The following NFIA variants were observed in gnomAD, a reference collection of about 807,000 sequenced individuals.
NFIA encodes nuclear factor I A.
In NFIA, 8 loss-of-function variants were observed where a neutral mutation model predicts 62.8. The ratio of observed to expected loss-of-function variants is 0.13; its 90% CI spans 0.07 to 0.23. The LOEUF (loss-of-function observed/expected upper bound fraction) is 0.23. Ranked by LOEUF, NFIA falls within the 10% of genes least tolerant of loss-of-function variation. NFIA has a pLI of 1.00. For missense variants in NFIA, 410 were observed against 642.1 expected, an observed-to-expected ratio of 0.64 and a Z score of 3.91; for synonymous variants, 235 against 238.1, an observed-to-expected ratio of 0.99 and a Z score of 0.12.
chr1:61,400,500 A>G (rs1557758506), intron 7 of NFIA, among the ~76,000 whole-genome samples: 1 of 152,208 alleles, frequency 6.6e-6, no homozygotes, highest in East Asian at 1.9e-4. Context: ...ATTAACATCA[A>G]TGTGGATACA....
chr1:61,215,337 G>A (rs1229822363), intron 2 of NFIA, among the ~76,000 whole-genome samples: 1 of 152,042 alleles, frequency 6.6e-6, no homozygotes, highest in African/African-American at 2.4e-5. Context: ...ATGTAATGCT[G>A]TAAATTTTTG....
intron 10 of NFIA, among the ~76,000 whole-genome samples, chr1:61,441,125 T>G (rs1212478500): frequency 6.6e-6 from 1 of 152,188 alleles, no homozygotes; most frequent in Non-Finnish European, 1.5e-5. Context: ...GACTAATGGT[T>G]TAATATGTGG....
At chr1:61,380,332 T>A (rs1241513800) in intron 6 of NFIA, among the ~76,000 whole-genome samples, 3 of 152,220 alleles carry the variant, frequency 2.0e-5, no homozygotes, top group African/African-American at 2.4e-5. Flanking sequence ...AGTCTTTTTT[T>A]AAAAATCTGG....
Position 61,461,929 on chromosome 1 carries a change from G to GA in NFIA, c.*6615dup, listed in dbSNP as rs367746777. The GA allele has an allele frequency of 4.9e-3, 730 of 149,830 alleles. 4 individuals are homozygous for GA. Among genetic ancestry groups the GA allele is most frequent in the African/African-American group, 0.017 (688 of 40,684 alleles). The allele number at this position is 149,830 out of a possible 1,614,324, so 9.3% of individuals were successfully genotyped here. On this transcript the variant is annotated 3_prime_UTR_variant, in exon 11 of 11. Transcript: ENST00000403491. ...GTTTTTATACTCAACTTCTCAAAAT[G>GA]AAAAAAGCTTTTATTTTTCCTTTGA...
At chr1:61,120,495 T>C (rs1172090799) in intron 2 of NFIA, among the ~76,000 whole-genome samples, 1 of 152,228 alleles carries the variant, frequency 6.6e-6, no homozygotes, top group African/African-American at 2.4e-5. Context: ...CGTTTTGTTA[T>C]TCTAATGTCC....
chr1:61,100,457 A>T (rs1305434120), intron 2 of NFIA, among the ~76,000 whole-genome samples: 1 of 152,188 alleles, frequency 6.6e-6, no homozygotes, highest in African/African-American at 2.4e-5. Context: ...TGAAGAAAAT[A>T]CCTTGAGACA....
intron 10 of NFIA, among the ~76,000 whole-genome samples, chr1:61,436,888 G>A (rs989703303): frequency 9.9e-5 from 15 of 152,144 alleles, no homozygotes; most frequent in African/African-American, 3.1e-4. Flanking sequence ...CTTTCCAAAC[G>A]CTTTACACAT....
intron 3 of NFIA, among the ~76,000 whole-genome samples, chr1:61,315,239 G>A (rs139732170): frequency 2.1e-4 from 32 of 152,278 alleles, no homozygotes; most frequent in African/African-American, 7.5e-4. Context: ...TGGCATTGTT[G>A]CTAATGGTGA....
rs563344264 is a variant in NFIA at position 61,326,084 on chromosome 1, A to G, written c.626-6428A>G. ...AGTTGCTGGTAGGGAAAAGGGATGA[A>G]ATTGTTATTTTTGCAGTGACTTTCT... On this transcript the variant is annotated intron_variant, in intron 3 of 10. Transcript: ENST00000403491. 2.6e-5 allele frequency among the ~76,000 whole-genome samples: 4 copies of G among 152,240 alleles called. No individual in the cohort carries two copies. The East Asian group carries it at 7.7e-4, about 29-fold the overall frequency.
At chr1:61,080,353 AAAGT>A (rs1325207728), upstream of NFIA, among the ~76,000 whole-genome samples, 1 of 152,140 alleles carries the variant, frequency 6.6e-6, no homozygotes, top group African/African-American at 2.4e-5. Context: ...TTGAGACTCA[AAAGT>A]AAGAATCTTT....
At chr1:61,314,597 A>G (rs1660274480) in intron 3 of NFIA, among the ~76,000 whole-genome samples, 1 of 152,192 alleles carries the variant, frequency 6.6e-6, no homozygotes, top group African/African-American at 2.4e-5. Flanking sequence ...TTTTGGCTCT[A>G]TCATCTCTTC....
At chr1:61,111,304 T>G (rs979609057) in intron 2 of NFIA, among the ~76,000 whole-genome samples, 1 of 152,296 alleles carries the variant, frequency 6.6e-6, no homozygotes, top group East Asian at 1.9e-4. Flanking sequence ...TACTGTGCGC[T>G]TATTCTGTAC....
rs142983569 is a variant in NFIA, at chr1:61,447,841, G to A, written c.1513-7462G>A. Among the ~76,000 whole-genome samples, 1,305 of 152,212 alleles carry A rather than the reference G, an allele frequency of 8.6e-3. 8 individuals carry two copies. Among genetic ancestry groups the A allele is most frequent in the Non-Finnish European group, 0.015 (1,025 of 68,008 alleles). ...CAGAGTCGTGCTTCATTAGAACCCC[G>A]TCATAAGCGGCTCCAGAAGGGCAGG... On this transcript the variant is annotated intron_variant, in intron 10 of 10. Coordinates refer to ENST00000403491, the MANE Select transcript of NFIA (RefSeq NM_001134673.4).
chr1:61,199,863 T>TG (rs1444145631), intron 2 of NFIA, among the ~76,000 whole-genome samples: 1 of 150,978 alleles, frequency 6.6e-6, no homozygotes, highest in Non-Finnish European at 1.5e-5. Flanking sequence ...GGCGTGGTTG[T>TG]GCGTGCCTGT....
chr1:61,210,952 A>G (rs1322416611), intron 2 of NFIA, among the ~76,000 whole-genome samples: 1 of 152,236 alleles, frequency 6.6e-6, no homozygotes, highest in African/African-American at 2.4e-5. Context: ...ATCAGGGCCA[A>G]TGTGATGGCT....
chr1:61,109,324 C>T (rs2100450166), intron 2 of NFIA, among the ~76,000 whole-genome samples: 1 of 151,966 alleles, frequency 6.6e-6, no homozygotes, highest in Non-Finnish European at 1.5e-5. Context: ...TCCATCTCTA[C>T]AGATGGCAAA....
At chr1:61,421,172 CT>C (rs1666601614) in intron 9 of NFIA, among the ~76,000 whole-genome samples, 3 of 152,250 alleles carry the variant, frequency 2.0e-5, no homozygotes, top group Non-Finnish European at 2.9e-5. Flanking sequence ...CCTTTACACC[CT>C]GCAGAGTTTT....
chr1:61,410,551 A>C (rs1403038964), intron 9 of NFIA, among the ~76,000 whole-genome samples: 1 of 152,210 alleles, frequency 6.6e-6, no homozygotes, highest in African/African-American at 2.4e-5. Flanking sequence ...TGTATGATGT[A>C]AAACAGCCTT....
rs1432787036 is a variant in NFIA at position 61,088,025 on chromosome 1, CAG to C, written c.28-122_28-121del. The C allele has an allele frequency of 1.0e-6, 1 of 966,646 alleles. No homozygotes were observed. The highest frequency in any genetic ancestry group is 2.6e-5 in the East Asian group (1 of 39,010). The allele number at this position is 966,646 out of a possible 1,614,324, so 59.9% of individuals were successfully genotyped here. ...AGGATCCTGTGTATGATTTTGGTAA[CAG>C]AATGCTCTAATCAAATTTCAAGTGA... On this transcript the variant is annotated intron_variant, in intron 1 of 10. Coordinates refer to ENST00000403491, the MANE Select transcript of NFIA (RefSeq NM_001134673.4). The surrounding 1 kb of genome is among the most constrained non-coding windows in gnomAD (Gnocchi z 4.5).
Sources: allele counts gnomAD v4.1 joint callset (sites outside exome capture counted in the v4.1 genomes callset), GRCh38; gene constraint gnomAD v4.1.1; non-coding constraint Gnocchi (gnomAD v3.1); transcripts MANE v1.5; gene names NCBI Gene and HGNC (gene_info 2026-07-23, HGNC 2026-07-21).